The following SECISBP2 variants were observed in gnomAD, a reference collection of about 807,000 sequenced individuals.
The protein encoded by SECISBP2 is selenocysteine insertion sequence-binding protein 2.
Under a neutral mutation model 98.2 loss-of-function variants are expected in SECISBP2, and 96 were observed. The ratio of observed to expected loss-of-function variants is 0.98; its 90% CI spans 0.83 to 1.16. SECISBP2 has a LOEUF of 1.16. Among genes scored for constraint, SECISBP2 ranks in the 50% most tolerant of loss-of-function variants. The pLI, the probability that SECISBP2 is intolerant of heterozygous loss-of-function variation, is 0.00. For synonymous variants in SECISBP2, 407 were observed against 370.2 expected (o/e 1.10, Z -1.14); for missense variants, 1,046 against 1,022.9 (o/e 1.02, Z -0.31).
Position 89,328,835 on chromosome 9 carries a change from C to T in SECISBP2, c.750C>T (p.Thr250=), listed in dbSNP as rs753536377. Residue 250 remains threonine, a synonymous_variant, in exon 5 of 17, where the codon ACC becomes ACT. Coordinates refer to ENST00000375807, the MANE Select transcript of SECISBP2 (RefSeq NM_024077.5). ...GGGGACCTGTCCACTCTGTCTCTACCGACATTTCTCTTCTAAGAGAAGTAG... is the reference window on the plus strand; with the variant it reads ...GGGGACCTGTCCACTCTGTCTCTACTGACATTTCTCTTCTAAGAGAAGTAG... The part of the protein sequence containing the change: ...PKWGPVHSVS[T]DISLLREVVK... The T allele has an allele frequency of 4.6e-5, 74 of 1,614,048 alleles. 1 individual carries two copies. Among genetic ancestry groups the T allele is most frequent in the Middle Eastern group, 3.3e-4 (2 of 6,084 alleles).
downstream of SECISBP2, among the ~76,000 whole-genome samples, chr9:89,360,098 C>T (rs992531174): frequency 6.6e-5 from 10 of 152,154 alleles, no homozygotes; most frequent in South Asian, 4.1e-4. Flanking sequence ...CACCGTCTGC[C>T]CTGTCATCTG....
At position 89,350,922 on chromosome 9, in the gene SECISBP2, C is replaced by T. The variant is rs148932186; in HGVS notation, c.2113+70C>T. On this transcript the variant is annotated intron_variant, in intron 14 of 16. Coordinates refer to ENST00000375807, the MANE Select transcript of SECISBP2 (RefSeq NM_024077.5). ...GTGCCTAGTGTGCCCTCGTGTTTGC[C>T]ACACACCTCAGCGGCCCATGCCACA... is the stretch of plus-strand genomic sequence containing the variant. 4 of 1,310,210 alleles carry T rather than the reference C, an allele frequency of 3.1e-6. No homozygotes were observed. In the East Asian group the frequency reaches 9.3e-5, roughly 31 times the overall value. The allele number at this position is 1,310,210 out of a possible 1,614,324, so 81.2% of individuals were successfully genotyped here. A position where few individuals can be genotyped will look rare whatever the true frequency, so the allele number is the denominator to read the frequency against.
Position 89,319,811 on chromosome 9 carries a change from TA to T in SECISBP2, c.182+18del. 2 of 1,613,702 alleles carry T rather than the reference TA, an allele frequency of 1.2e-6. No individual in the cohort carries two copies. The highest frequency in any genetic ancestry group is 1.3e-5 in the African/African-American group (1 of 75,032). On this transcript the variant is annotated intron_variant, in intron 2 of 16. Transcript: ENST00000375807. ...ACCAGTGACAGAGTATGTATCTTTC[TA>T]AAAGTCTTACCTAGGGGCTTACATT...
chr9:89,360,291 T>G (rs1475065693), downstream of SECISBP2, among the ~76,000 whole-genome samples: 1 of 152,202 alleles, frequency 6.6e-6, no homozygotes, highest in Non-Finnish European at 1.5e-5. Context: ...TCCTGCTTCC[T>G]CCTCCCCTCA....
In SECISBP2 at chr9:89,341,185, A is replaced by G. The variant is rs571918589; in HGVS notation, c.1303-162A>G. On this transcript the variant is annotated intron_variant, in intron 9 of 16. Coordinates refer to ENST00000375807, the MANE Select transcript of SECISBP2 (RefSeq NM_024077.5). The stretch of plus-strand genomic sequence containing the variant: ...TAAACAACCATGGTAATACTGGCAG[A>G]TAATGTGGGATTGATTTTTTTTCCT... 1.5e-4 allele frequency among the ~76,000 whole-genome samples: 23 copies of G among 152,338 alleles called. No homozygotes were observed. In the South Asian group the frequency reaches 4.8e-3, roughly 32 times the overall value.
chr9:89,363,969 T>A, downstream of SECISBP2: 1 of 1,614,022 alleles, frequency 6.2e-7, no homozygotes, highest in Non-Finnish European at 8.5e-7. Flanking sequence ...ACAGACCGTT[T>A]CCACCTCTGA....
chr9:89,354,801 C>G (rs1831815554), intron 14 of SECISBP2: 1 of 985,308 alleles, frequency 1.0e-6, no homozygotes, highest in Non-Finnish European at 1.2e-6. Context: ...CTCCCGGGAG[C>G]TGGGGTGGAC....
At chr9:89,343,329 T>A (rs555851143) in intron 10 of SECISBP2, among the ~76,000 whole-genome samples, 4 of 152,204 alleles carry the variant, frequency 2.6e-5, no homozygotes, top group Admixed American at 6.5e-5. Context: ...ACTTTTTTTT[T>A]AAATCTGTGG....
chr9:89,347,974 G>C, intron 11 of SECISBP2, 105 bp from the exon 12 acceptor site: 1 of 1,107,110 alleles, frequency 9.0e-7, no homozygotes, highest in Non-Finnish European at 1.3e-6. Flanking sequence ...AGGGCACTAA[G>C]AGGCACATTG....
chr9:89,336,876 A>G (rs936819692), intron 7 of SECISBP2, among the ~76,000 whole-genome samples: 4 of 149,482 alleles, frequency 2.7e-5, no homozygotes, highest in Non-Finnish European at 4.4e-5. Flanking sequence ...GGTTCAAGCA[A>G]TTCTCCTGCC....
Position 89,350,767 on chromosome 9 carries a change from G to A in SECISBP2, c.2028G>A (p.Gly676=). Residue 676 remains glycine, a synonymous_variant, in exon 14 of 17, where the codon GGG becomes GGA. Coordinates refer to ENST00000375807, the MANE Select transcript of SECISBP2 (RefSeq NM_024077.5). ...AGACTAAACGTCGACTTGTGTTGGG[G>A]TTGAGGGAGGTTCTCAAACACCTGA... ...KAKTKRRLVL[G]LREVLKHLKL... 6.2e-7 allele frequency: 1 copy of A among 1,614,234 alleles called. No individual in the cohort carries two copies. Among genetic ancestry groups the A allele is most frequent in the Non-Finnish European group, 8.5e-7 (1 of 1,180,042 alleles).
At chr9:89,350,942 G>A (rs1831194485) in intron 14 of SECISBP2, 90 bp downstream of exon 14, 1 of 1,072,920 alleles carries the variant, frequency 9.3e-7, no homozygotes, top group Admixed American at 1.8e-5. Flanking sequence ...AGCGGCCCAT[G>A]CCACAGGTCT....
intron 5 of SECISBP2, among the ~76,000 whole-genome samples, chr9:89,331,322 G>T (rs925675515): frequency 1.3e-4 from 20 of 152,148 alleles, no homozygotes; most frequent in African/African-American, 4.3e-4. Flanking sequence ...TCTTGAACAG[G>T]TAAGCTATTT....
In SECISBP2 at chr9:89,336,081, C is replaced by CTTTT. The variant is rs59799418; in HGVS notation, c.1089+1375_1089+1378dup. On this transcript the variant is annotated intron_variant, in intron 7 of 16. Coordinates refer to ENST00000375807, the MANE Select transcript of SECISBP2 (RefSeq NM_024077.5). ...TTTTTCCCTTAAGTAATTTTAAGTGCTTTTTTTTTTTTTTTTTTTTTTTTT... is the reference window on the plus strand; with the variant it reads ...TTTTTCCCTTAAGTAATTTTAAGTGCTTTTTTTTTTTTTTTTTTTTTTTTTTTTT... Among the ~76,000 whole-genome samples, 9 of 33,058 alleles carry CTTTT rather than the reference C, an allele frequency of 2.7e-4. 1 individual carries two copies. The highest frequency in any genetic ancestry group is 1.4e-3 in the Admixed American group (3 of 2,094). The allele number at this position is 33,058 out of a possible 152,430, so 21.7% of individuals were successfully genotyped here. A position where few individuals can be genotyped will look rare whatever the true frequency, so the allele number is the denominator to read the frequency against.
chr9:89,346,749 G>T (rs1266875589), intron 10 of SECISBP2, 133 bp from the exon 11 acceptor site: 1 of 878,226 alleles, frequency 1.1e-6, no homozygotes, highest in Non-Finnish European at 1.9e-6. Context: ...GAGAAGGGTT[G>T]TGGGGACAAG....
rs1353180157 is a variant in SECISBP2, at chr9:89,350,829, A to G, written c.2090A>G (p.Asn697Ser). The part of the protein sequence containing the change: ...KKLKCVIISP[N>S]CEKIQSKGGL... Reference sequence around the variant, plus strand: ...CTGAAATGTGTCATTATTTCTCCCAACTGTGAGAAGATACAGTCAAAAGGT... The same window carrying G: ...CTGAAATGTGTCATTATTTCTCCCAGCTGTGAGAAGATACAGTCAAAAGGT... Residue 697 changes from asparagine to serine, a missense_variant, in exon 14 of 17, where the codon AAC (asparagine) becomes AGC (serine). By Grantham distance (46) the Asn-to-Ser change is conservative. Coordinates refer to ENST00000375807, the MANE Select transcript of SECISBP2 (RefSeq NM_024077.5). 1.2e-6 allele frequency: 2 copies of G among 1,614,078 alleles called. No homozygotes were observed. The highest frequency in any genetic ancestry group is 1.7e-6 in the Non-Finnish European group (2 of 1,179,940).
chr9:89,362,463 G>A (rs2132165468), downstream of SECISBP2: 1 of 1,613,980 alleles, frequency 6.2e-7, no homozygotes, highest in Admixed American at 1.7e-5. Context: ...ATCCTTGGTG[G>A]AACGGATGGG....
chr9:89,355,625 G>A (rs1394334436), intron 14 of SECISBP2: 14 of 921,766 alleles, frequency 1.5e-5, no homozygotes, highest in Non-Finnish European at 1.8e-5. Flanking sequence ...GACTTTAGGT[G>A]TTTTATATAT....
intron 8 of SECISBP2, 121 bp from the exon 9 acceptor site, chr9:89,339,743 C>CT (rs957656816): frequency 4.2e-3 from 2,806 of 664,352 alleles, no homozygotes; most frequent in Non-Finnish European, 5.0e-3. Context: ...AGTTTCGCGG[C>CT]TTTTTTTTTT....
Sources: gnomAD v4.1 joint callset for allele counts (sites outside exome capture counted in the v4.1 genomes callset) on GRCh38, gnomAD v4.1.1 for gene constraint, MANE v1.5 for transcripts, NCBI Gene and HGNC (gene_info 2026-07-23, HGNC 2026-07-21) for gene names.